The following DUSP3 variants were observed in gnomAD, a reference collection of about 807,000 sequenced individuals.
DUSP3 encodes the protein dual specificity protein phosphatase 3.
In DUSP3, 7 loss-of-function variants were observed where a neutral mutation model predicts 15.5. The ratio of observed to expected loss-of-function variants is 0.45; its 90% CI spans 0.26 to 0.85. DUSP3 has a LOEUF of 0.85. Ranked by LOEUF, DUSP3 falls within the 40% of genes least tolerant of loss-of-function variation. The probability of loss-of-function intolerance (pLI) is 0.18; values close to 1 mark genes in which losing one functional copy is unlikely to be tolerated. For synonymous variants in DUSP3, 86 were observed against 104.2 expected, an observed-to-expected ratio of 0.83 and a Z score of 1.07; for missense variants, 209 against 251.7, an observed-to-expected ratio of 0.83 and a Z score of 1.15.
At chr17:43,769,910 A>C in intron 2 of DUSP3, 96 bp from the exon 3 acceptor site, 1 of 1,294,226 alleles carries the variant, frequency 7.7e-7, no homozygotes, top group Non-Finnish European at 1.1e-6. Flanking sequence ...TAAAAGCACA[A>C]TGTCACGCCA....
chr17:43,770,060 G>A (rs1046377651), intron 2 of DUSP3, among the ~76,000 whole-genome samples: 3 of 152,234 alleles, frequency 2.0e-5, no homozygotes, highest in East Asian at 1.9e-4. Context: ...AAAGCTGTGC[G>A]GCACGGCGGT....
chr17:43,770,773 T>G lies in DUSP3; in HGVS notation c.353-959A>C, dbSNP rs575668516. Among the ~76,000 whole-genome samples, 8 of 151,778 alleles carry G rather than the reference T, an allele frequency of 5.3e-5. No individual in the cohort carries two copies. In the South Asian group the frequency reaches 1.5e-3, roughly 28 times the overall value. On this transcript the variant is annotated intron_variant, in intron 2 of 2. Transcript: ENST00000226004. ...GCTGGTAGTGTTTTGTTTCTTTTTT[T>G]TTGAGATGGAGTTTCCTTCTTGTTG...
Position 43,769,601 on chromosome 17 carries a change from G to T in DUSP3, c.*8C>A. 1 of 1,610,458 alleles carries T rather than the reference G, an allele frequency of 6.2e-7. No individual in the cohort carries two copies. Among genetic ancestry groups the T allele is most frequent in the Middle Eastern group, 2.2e-4 (1 of 4,466 alleles). Reference sequence around the variant, plus strand: ...ACGGACCTCTCGAGCAGAGGTGGTGGGGGTGCCCTAGGGTTTCAACTTCCC... The same window carrying T: ...ACGGACCTCTCGAGCAGAGGTGGTGTGGGTGCCCTAGGGTTTCAACTTCCC... On this transcript the variant is annotated 3_prime_UTR_variant, in exon 3 of 3. Transcript: ENST00000226004.
At chr17:43,777,589 C>T (rs1351711465) in intron 1 of DUSP3, 1 of 455,358 alleles carries the variant, frequency 2.2e-6, no homozygotes, top group East Asian at 6.9e-5. Context: ...ACCATTTCCT[C>T]CTCTGTAAAA....
At chr17:43,772,930 G>A (rs1974336576) in intron 2 of DUSP3, among the ~76,000 whole-genome samples, 1 of 152,174 alleles carries the variant, frequency 6.6e-6, no homozygotes, top group African/African-American at 2.4e-5. Flanking sequence ...TTTGGAAAGA[G>A]GAAACAAAGT....
At chr17:43,774,579 A>C in intron 2 of DUSP3, 133 bp downstream of exon 2, 1 of 988,458 alleles carries the variant, frequency 1.0e-6, no homozygotes, top group Non-Finnish European at 1.5e-6. Context: ...AGAGAGACCT[A>C]CAGCTCTGTC....
chr17:43,769,905 G>T, intron 2 of DUSP3, 91 bp from the exon 3 acceptor site: 1 of 1,371,174 alleles, frequency 7.3e-7, no homozygotes, highest in Non-Finnish European at 1.0e-6. Flanking sequence ...CCACTTAAAA[G>T]CACAATGTCA....
intron 1 of DUSP3, among the ~76,000 whole-genome samples, chr17:43,776,990 T>G (rs1974397335): frequency 6.6e-6 from 1 of 152,102 alleles, no homozygotes; most frequent in African/African-American, 2.4e-5. Flanking sequence ...TTTTTTTTTT[T>G]GAGATGGAGT....
intron 1 of DUSP3, chr17:43,777,508 C>G (rs142145454): frequency 2.2e-6 from 1 of 455,804 alleles, no homozygotes; most frequent in Non-Finnish European, 4.4e-6. Flanking sequence ...CAGGTCATAG[C>G]GGAGGTCAGG....
Position 43,778,872 on chromosome 17 carries a change from T to TGCA in DUSP3, c.52_53insTGC (p.Asp18delinsValHis). 1 of 1,518,496 alleles carries TGCA rather than the reference T, an allele frequency of 6.6e-7. No individual in the cohort carries two copies. The highest frequency in any genetic ancestry group is 8.8e-7 in the Non-Finnish European group (1 of 1,133,912). 94.1% of individuals were successfully genotyped at this position (1,518,496 alleles called of 1,614,324 possible). A position where few individuals can be genotyped will look rare whatever the true frequency, so the allele number is the denominator to read the frequency against. On this transcript the variant is annotated protein_altering_variant, in exon 1 of 3. Coordinates refer to ENST00000226004, the MANE Select transcript of DUSP3 (RefSeq NM_004090.4). ...CGGGAGGCTGTAGCAGCCGCTGCCG[T>TGCA]CCGAGAGCAGGTCGTTGAGATCCTG...
Position 43,778,909 on chromosome 17 carries a change from C to T in DUSP3, c.16G>A (p.Glu6Lys). The T allele has an allele frequency of 6.8e-7, 1 of 1,472,866 alleles. No homozygotes were observed. The highest frequency in any genetic ancestry group is 1.5e-5 in the African/African-American group (1 of 68,374). 91.2% of individuals were successfully genotyped at this position (1,472,866 alleles called of 1,614,324 possible). A position where few individuals can be genotyped will look rare whatever the true frequency, so the allele number is the denominator to read the frequency against. The change falls in exon 1 of 3, where the codon GAG (glutamate) becomes AAG (lysine). Residue 6 changes from glutamate to lysine, a missense_variant. Coordinates refer to ENST00000226004, the MANE Select transcript of DUSP3 (RefSeq NM_004090.4). Reference protein sequence around the residue: MSGSFELSVQDLNDLL... With the variant: MSGSFKLSVQDLNDLL... Reference sequence around the variant, plus strand: ...TCGTTGAGATCCTGCACCGAGAGCTCGAACGAGCCCGACATGGCGGCGGCG... The same window carrying T: ...TCGTTGAGATCCTGCACCGAGAGCTTGAACGAGCCCGACATGGCGGCGGCG...
At position 43,778,866 on chromosome 17, in the gene DUSP3, C is replaced by T; in HGVS notation, c.59G>A (p.Ser20Asn). ...CTGGCTCGGGAGGCTGTAGCAGCCG[C>T]TGCCGTCCGAGAGCAGGTCGTTGAG... is the stretch of plus-strand genomic sequence containing the variant. ...QDLNDLLSDG[S>N]GCYSLPSQPC... The change falls in exon 1 of 3, where the codon AGC becomes AAC. Residue 20 changes from serine to asparagine, a missense_variant. Transcript: ENST00000226004. 6.6e-7 allele frequency: 1 copy of T among 1,521,702 alleles called. No individual in the cohort carries two copies. Among genetic ancestry groups the T allele is most frequent in the South Asian group, 1.2e-5 (1 of 80,700 alleles). The allele number at this position is 1,521,702 out of a possible 1,614,324, so 94.3% of individuals were successfully genotyped here. A position where few individuals can be genotyped will look rare whatever the true frequency, so the allele number is the denominator to read the frequency against.
Position 43,774,802 on chromosome 17 carries a change from T to C in DUSP3, c.262A>G (p.Ile88Val). The change falls in exon 2 of 3, where the codon ATC becomes GTC. Residue 88 changes from isoleucine to valine, a missense_variant. Coordinates refer to ENST00000226004, the MANE Select transcript of DUSP3 (RefSeq NM_004090.4). The stretch of plus-strand genomic sequence containing the variant: ...AACTCCTGTGTGTCGTTGGCCTTGA[T>C]GCCCAGGTATGTGATGCCGGAGTCC... ...YKDSGITYLGIKANDTQEFNL... is the reference protein window; with the variant it reads ...YKDSGITYLGVKANDTQEFNL... The C allele has an allele frequency of 3.7e-6, 6 of 1,614,198 alleles. No individual in the cohort carries two copies. The highest frequency in any genetic ancestry group is 5.1e-6 in the Non-Finnish European group (6 of 1,180,026).
chr17:43,775,743 A>G (rs1376843218), intron 1 of DUSP3, among the ~76,000 whole-genome samples: 1 of 152,172 alleles, frequency 6.6e-6, no homozygotes, highest in Admixed American at 6.5e-5. Context: ...TCCACTGGCT[A>G]CGTTTCCAAA....
In DUSP3 at chr17:43,769,546, C is replaced by G; in HGVS notation, c.*63G>C. The G allele has an allele frequency of 6.3e-7, 1 of 1,585,624 alleles. No homozygotes were observed. The highest frequency in any genetic ancestry group is 1.4e-5 in the African/African-American group (1 of 74,048). On this transcript the variant is annotated 3_prime_UTR_variant, in exon 3 of 3. Transcript: ENST00000226004. ...ACAGTGTGTTTCCTAAACATGGCAG[C>G]TCGGGACACCTTTGCCCACGGCCTC...
intron 2 of DUSP3, among the ~76,000 whole-genome samples, chr17:43,772,486 G>A (rs142399245): frequency 6.6e-6 from 1 of 152,240 alleles, no homozygotes; most frequent in African/African-American, 2.4e-5. Context: ...CCTCCTCCAT[G>A]AAGCTGTTTT....
intron 1 of DUSP3, chr17:43,777,424 G>T (rs1286687176): frequency 2.2e-6 from 1 of 446,086 alleles, no homozygotes; most frequent in Non-Finnish European, 4.5e-6. Context: ...TCCCCATGAG[G>T]CTGGGGCCTG....
chr17:43,770,159 C>T (rs1271482100), intron 2 of DUSP3, among the ~76,000 whole-genome samples: 2 of 152,176 alleles, frequency 1.3e-5, no homozygotes, highest in Admixed American at 6.5e-5. Context: ...TTCACATTCA[C>T]GAACATGGGC....
At position 43,769,231 on chromosome 17, in the gene DUSP3, C is replaced by CG. The variant is rs1004867062; in HGVS notation, c.*377dup. ...TGAGGTCCACACTCAAGAGAGGATT[C>CG]GGGAGTTGGGGAAGGGAGGTCATGA... is the stretch of plus-strand genomic sequence containing the variant. On this transcript the variant is annotated 3_prime_UTR_variant, in exon 3 of 3. Transcript: ENST00000226004. 31 of 238,832 alleles carry CG rather than the reference C, an allele frequency of 1.3e-4. No homozygotes were observed. Among genetic ancestry groups the CG allele is most frequent in the African/African-American group, 7.2e-4 (31 of 42,890 alleles). The allele number at this position is 238,832 out of a possible 1,614,324, so 14.8% of individuals were successfully genotyped here.
Sources: allele counts gnomAD v4.1 joint callset (sites outside exome capture counted in the v4.1 genomes callset), GRCh38; gene constraint gnomAD v4.1.1; transcripts MANE v1.5; gene names NCBI Gene and HGNC (gene_info 2026-07-23, HGNC 2026-07-21).